Variants in DCLRE1C observed in about 807,000 individuals in gnomAD.
DCLRE1C encodes the protein DNA cross-link repair 1C.
In DCLRE1C, 47 loss-of-function variants were observed where a neutral mutation model predicts 61.4. The observed-to-expected ratio is 0.77, with a 90% CI of 0.61 to 0.98. DCLRE1C has a LOEUF of 0.98. Among genes scored for constraint, DCLRE1C ranks in the 50% least tolerant of loss-of-function variants. The probability of loss-of-function intolerance (pLI) is 0.00; values close to 1 mark genes in which losing one functional copy is unlikely to be tolerated. For missense variants in DCLRE1C, 858 were observed against 816.0 expected, an observed-to-expected ratio of 1.05 and a Z score of -0.63; for synonymous variants, 337 against 287.6, an observed-to-expected ratio of 1.17 and a Z score of -1.74.
chr10:14,913,623 T>G (rs1835670291), intron 13 of DCLRE1C, among the ~76,000 whole-genome samples: 1 of 152,216 alleles, frequency 6.6e-6, no homozygotes, highest in African/African-American at 2.4e-5. Context: ...ATCTGTAGAT[T>G]TGACTGACCA....
At position 14,926,842 on chromosome 10, in the gene DCLRE1C, C is replaced by G. The variant is rs1564414523; in HGVS notation, c.972+1G>C. The G allele has an allele frequency of 6.2e-7, 1 of 1,612,498 alleles. No individual in the cohort carries two copies. The highest frequency in any genetic ancestry group is 8.5e-7 in the Non-Finnish European group (1 of 1,178,616). The stretch of plus-strand genomic sequence containing the variant: ...GTTATGAGTATATGGGATCCTCTTA[C>G]CTCACTGTAGGAGGAGTGAAAAGAA... On this transcript the variant is annotated splice_donor_variant, in intron 11 of 13. Coordinates refer to ENST00000378278, the MANE Select transcript of DCLRE1C (RefSeq NM_001033855.3). LOFTEE classifies it high-confidence loss of function.
rs1345619631 is a variant in DCLRE1C, at chr10:14,904,835, G to A, written c.*3573C>T. Among the ~76,000 whole-genome samples the A allele has an allele frequency of 1.3e-5, 2 of 152,164 alleles. No homozygotes were observed. Among genetic ancestry groups the A allele is most frequent in the Non-Finnish European group, 2.9e-5 (2 of 68,024 alleles). ...TTTCAGTGTAAGACAAATATCAAAGGTAATAGATCCAGTTTAAAAGGTGAA... is the reference window on the plus strand; with the variant it reads ...TTTCAGTGTAAGACAAATATCAAAGATAATAGATCCAGTTTAAAAGGTGAA... On this transcript the variant is annotated 3_prime_UTR_variant, in exon 14 of 14. Coordinates refer to ENST00000378278, the MANE Select transcript of DCLRE1C (RefSeq NM_001033855.3).
chr10:14,936,107 T>C (rs1274779682), intron 5 of DCLRE1C, among the ~76,000 whole-genome samples: 1 of 152,090 alleles, frequency 6.6e-6, no homozygotes, highest in Non-Finnish European at 1.5e-5. Context: ...TTGGCCAGGC[T>C]GGTCTTGAAT....
chr10:14,950,357 C>CAAAAAAAA (rs1196056427), intron 1 of DCLRE1C, among the ~76,000 whole-genome samples: 1 of 71,276 alleles, frequency 1.4e-5, no homozygotes, highest in Non-Finnish European at 3.1e-5. Context: ...AAATAATAAC[C>CAAAAAAAA]AAAAAAAAAA....
At position 14,905,619 on chromosome 10, in the gene DCLRE1C, C is replaced by T. The variant is rs978434630; in HGVS notation, c.*2789G>A. Among the ~76,000 whole-genome samples, 1 of 152,196 alleles carries T rather than the reference C, an allele frequency of 6.6e-6. No individual in the cohort carries two copies. The highest frequency in any genetic ancestry group is 1.5e-5 in the Non-Finnish European group (1 of 68,044). ...GTTTATACTATTCAAACATTTAAGTCCTGGAACTCTTCTCCAAGATAAATG... is the reference window on the plus strand; with the variant it reads ...GTTTATACTATTCAAACATTTAAGTTCTGGAACTCTTCTCCAAGATAAATG... On this transcript the variant is annotated 3_prime_UTR_variant, in exon 14 of 14. Transcript: ENST00000378278.
Position 14,934,523 on chromosome 10 carries a change from A to G in DCLRE1C, c.538-3T>C. 6.2e-7 allele frequency: 1 copy of G among 1,614,086 alleles called. No individual in the cohort carries two copies. The highest frequency in any genetic ancestry group is 2.2e-5 in the East Asian group (1 of 44,866). ...AAGACTCCACTTAAACACTCCTCCTAGACAGGATTTTAAAGAGACATTTAA... is the reference window on the plus strand; with the variant it reads ...AAGACTCCACTTAAACACTCCTCCTGGACAGGATTTTAAAGAGACATTTAA... On this transcript the variant is annotated splice_region_variant and splice_polypyrimidine_tract_variant and intron_variant, in intron 7 of 13. Transcript: ENST00000378278.
At position 14,906,817 on chromosome 10, in the gene DCLRE1C, AAC is replaced by A. The variant is rs771508358; in HGVS notation, c.*1589_*1590del. ...ATCCTCATACATAACACAAAAGCCTAACACATTGATGGACTTCAAGAATGTTG... is the reference window on the plus strand; with the variant it reads ...ATCCTCATACATAACACAAAAGCCTAACATTGATGGACTTCAAGAATGTTG... On this transcript the variant is annotated 3_prime_UTR_variant, in exon 14 of 14. Transcript: ENST00000378278. Among the ~76,000 whole-genome samples the A allele has an allele frequency of 3.9e-5, 6 of 152,248 alleles. No homozygotes were observed. The highest frequency in any genetic ancestry group is 5.9e-5 in the Non-Finnish European group (4 of 68,034).
intron 3 of DCLRE1C, among the ~76,000 whole-genome samples, chr10:14,944,417 T>G (rs1841343967): frequency 6.6e-6 from 1 of 152,058 alleles, no homozygotes; most frequent in Non-Finnish European, 1.5e-5. Context: ...GAGAATCACT[T>G]GAACCCAGGA....
chr10:14,899,793 C>T (rs1017597310), downstream of DCLRE1C: 23 of 1,307,710 alleles, frequency 1.8e-5, no homozygotes, highest in Non-Finnish European at 2.1e-5. Context: ...TTAACATTTC[C>T]AAAATATGTA....
intron 3 of DCLRE1C, among the ~76,000 whole-genome samples, chr10:14,940,151 C>A (rs1219270191): frequency 1.3e-5 from 2 of 152,128 alleles, no homozygotes; most frequent in Non-Finnish European, 2.9e-5. Flanking sequence ...CCTTCATCTC[C>A]CCATCCCTAC....
chr10:14,921,527 T>G lies in DCLRE1C; in HGVS notation c.1061+1454A>C, dbSNP rs190031845. 4.5e-4 allele frequency among the ~76,000 whole-genome samples: 68 copies of G among 152,260 alleles called. 1 individual carries two copies. Among genetic ancestry groups the G allele is most frequent in the Non-Finnish European group, 8.5e-4 (58 of 68,014 alleles). On this transcript the variant is annotated intron_variant, in intron 12 of 13. Transcript: ENST00000378278. Reference sequence around the variant, plus strand: ...ATAGTCTGTCCTCAGTATTTTCCATTTCCTCACTTTTTACCTATTTCTCGA... The same window carrying G: ...ATAGTCTGTCCTCAGTATTTTCCATGTCCTCACTTTTTACCTATTTCTCGA...
chr10:14,943,154 T>A (rs952102862), intron 3 of DCLRE1C, among the ~76,000 whole-genome samples: 1 of 151,926 alleles, frequency 6.6e-6, no homozygotes, highest in African/African-American at 2.4e-5. Flanking sequence ...AAACAGACTC[T>A]TTGTGACACT....
In DCLRE1C at chr10:14,932,935, G is replaced by A. The variant is rs1163772028; in HGVS notation, c.699C>T (p.Asp233=). The A allele has an allele frequency of 6.2e-7, 1 of 1,614,040 alleles. No homozygotes were observed. The highest frequency in any genetic ancestry group is 1.3e-5 in the African/African-American group (1 of 74,904). The change falls in exon 9 of 14, where the codon GAC becomes GAT. Residue 233 remains aspartate (D), a synonymous_variant. Transcript: ENST00000378278. ...LGVQVHVNKL[D]MFRNMPEILH... ...GGATCTCAGGCATGTTCCTAAACAT[G>A]TCTAGCTTATTCACATGAACCTAAG...
chr10:14,927,157 G>T (rs1292587089), intron 10 of DCLRE1C, among the ~76,000 whole-genome samples: 1 of 152,148 alleles, frequency 6.6e-6, no homozygotes, highest in African/African-American at 2.4e-5. Flanking sequence ...CGACGCGTAC[G>T]GATTGCCTGA....
Position 14,951,841 on chromosome 10 carries a change from C to A in DCLRE1C, c.109+2061G>T, listed in dbSNP as rs532293656. ...TAAAAGCCCCAGCCCCAAATACAGT[C>A]GCTTTGGGGGTTAGGGCTTCAACAT... On this transcript the variant is annotated intron_variant, in intron 1 of 13. Coordinates refer to ENST00000378278, the MANE Select transcript of DCLRE1C (RefSeq NM_001033855.3). 5.3e-5 allele frequency among the ~76,000 whole-genome samples: 8 copies of A among 152,262 alleles called. No homozygotes were observed. The South Asian group carries it at 1.7e-3, about 32-fold the overall frequency.
intron 13 of DCLRE1C, chr10:14,899,491 T>G (rs748128649): frequency 1.5e-5 from 24 of 1,596,176 alleles, no homozygotes; most frequent in Middle Eastern, 1.7e-4. Flanking sequence ...GATGAATGCT[T>G]CTTTGGTTCA....
At chr10:14,913,267 CAT>C (rs947922711) in intron 13 of DCLRE1C, among the ~76,000 whole-genome samples, 8 of 152,222 alleles carry the variant, frequency 5.3e-5, no homozygotes, top group Middle Eastern at 3.2e-3. Context: ...TGGAAATAGA[CAT>C]AAAGTTTCTT....
chr10:14,953,169 T>C (rs1842706279), intron 1 of DCLRE1C, among the ~76,000 whole-genome samples: 1 of 152,096 alleles, frequency 6.6e-6, no homozygotes, highest in Non-Finnish European at 1.5e-5. Flanking sequence ...CTGTTTTCCC[T>C]GGTAAAAGTT....
exon 14 of DCLRE1C, chr10:14,899,045 A>T (rs1833803470): frequency 3.4e-6 from 2 of 583,250 alleles, no homozygotes; most frequent in Non-Finnish European, 6.1e-6. Flanking sequence ...AAAAAGTCAT[A>T]AATCAACCAG....
Sources: gnomAD v4.1 joint callset for allele counts (sites outside exome capture counted in the v4.1 genomes callset) on GRCh38, gnomAD v4.1.1 for gene constraint, MANE v1.5 for transcripts, NCBI Gene and HGNC (gene_info 2026-07-23, HGNC 2026-07-21) for gene names.